EXOC4: variants seen among roughly 807,000 people sequenced by gnomAD.
EXOC4 encodes exocyst complex component 4.
In EXOC4, 71 loss-of-function variants were observed where a neutral mutation model predicts 107.2. The ratio of observed to expected loss-of-function variants is 0.66; its 90% CI spans 0.55 to 0.81. The LOEUF (loss-of-function observed/expected upper bound fraction) is 0.81, where lower values mean the gene tolerates loss of function less well. EXOC4 is among the 30% of genes least tolerant of loss of function. The probability of loss-of-function intolerance (pLI) is 0.00; values close to 1 mark genes in which losing one functional copy is unlikely to be tolerated. For missense variants in EXOC4, 1,108 were observed against 1,189.6 expected (o/e 0.93, Z 1.01); for synonymous variants, 456 against 441.2 (o/e 1.03, Z -0.42).
At chr7:133,356,606 C>T (rs1175271471) in intron 6 of EXOC4, 33 bp downstream of exon 6, 1 of 1,609,656 alleles carries the variant, frequency 6.2e-7, no homozygotes, top group Non-Finnish European at 8.5e-7. Context: ...TTTTTGACAA[C>T]TCTATTTATT....
intron 14 of EXOC4, among the ~76,000 whole-genome samples, chr7:133,993,553 G>A (rs1299386559): frequency 6.6e-6 from 1 of 152,146 alleles, no homozygotes. Context: ...AAATTTCAGA[G>A]GTTGAAAACA....
chr7:133,932,600 A>G lies in EXOC4; in HGVS notation c.2028-5291A>G, dbSNP rs556582302. On this transcript the variant is annotated intron_variant, in intron 13 of 17. Coordinates refer to ENST00000253861, the MANE Select transcript of EXOC4 (RefSeq NM_021807.4). ...CACACATTTCCTTGCCAAACCATTC[A>G]AAAGTAGGCCACAGACATAATGGCC... Among the ~76,000 whole-genome samples the G allele has an allele frequency of 2.6e-5, 4 of 152,306 alleles. No individual in the cohort carries two copies. The East Asian group carries it at 7.7e-4, about 29-fold the overall frequency.
rs902257681 is a variant in EXOC4 at position 133,724,030 on chromosome 7, A to C, written c.1515-93295A>C. Among the ~76,000 whole-genome samples the C allele has an allele frequency of 3.9e-5, 6 of 152,210 alleles. No individual in the cohort carries two copies. In the East Asian group the frequency reaches 7.7e-4, roughly 20 times the overall value. On this transcript the variant is annotated intron_variant, in intron 10 of 17. Transcript: ENST00000253861. ...TTATATATATATTAAAAAAACTTAC[A>C]TGCATTTGCTAGTCAGGCCAGTTTA...
intron 9 of EXOC4, among the ~76,000 whole-genome samples, chr7:133,520,622 A>G (rs1051038647): frequency 1.3e-5 from 2 of 152,220 alleles, no homozygotes; most frequent in African/African-American, 2.4e-5. Context: ...GTCACATTAC[A>G]AAATGCAGCT....
intron 1 of EXOC4, among the ~76,000 whole-genome samples, chr7:133,271,813 C>T (rs760288705): frequency 2.6e-5 from 4 of 152,128 alleles, no homozygotes; most frequent in Non-Finnish European, 5.9e-5. Context: ...CTTCTGCCAG[C>T]ACCTGTGAAA....
intron 10 of EXOC4, among the ~76,000 whole-genome samples, chr7:133,785,437 G>A (rs552670851): frequency 2.0e-5 from 3 of 152,036 alleles, no homozygotes; most frequent in African/African-American, 7.2e-5. Flanking sequence ...CATAACTTAG[G>A]AGTTTTATCT....
Position 133,725,591 on chromosome 7 carries a change from G to T in EXOC4, c.1515-91734G>T, listed in dbSNP as rs1384381125. Among the ~76,000 whole-genome samples the T allele has an allele frequency of 3.3e-5, 5 of 152,202 alleles. No individual in the cohort carries two copies. In the East Asian group the frequency reaches 7.7e-4, roughly 24 times the overall value. The stretch of plus-strand genomic sequence containing the variant: ...GAGTTTCATCATGTTGGCCAGACTG[G>T]TATCAAACTGCAGACCTCAGGTTAT... On this transcript the variant is annotated intron_variant, in intron 10 of 17. Transcript: ENST00000253861.
chr7:133,468,784 C>G (rs1401987598), intron 7 of EXOC4, among the ~76,000 whole-genome samples: 1 of 152,114 alleles, frequency 6.6e-6, no homozygotes, highest in South Asian at 2.1e-4. Flanking sequence ...TGATTCCCCT[C>G]TAGGGTCTTC....
intron 14 of EXOC4, among the ~76,000 whole-genome samples, chr7:133,985,203 G>T (rs945123269): frequency 6.6e-6 from 1 of 152,166 alleles, no homozygotes; most frequent in Non-Finnish European, 1.5e-5. Flanking sequence ...TTGGGGGAAG[G>T]TGTAACACAT....
intron 10 of EXOC4, among the ~76,000 whole-genome samples, chr7:133,685,592 A>G (rs995228273): frequency 6.6e-6 from 1 of 152,222 alleles, no homozygotes; most frequent in Non-Finnish European, 1.5e-5. Flanking sequence ...ACAGAATATC[A>G]AATGTCTATG....
chr7:133,270,150 C>T (rs920130036), intron 1 of EXOC4, among the ~76,000 whole-genome samples: 3 of 152,144 alleles, frequency 2.0e-5, no homozygotes, highest in Non-Finnish European at 4.4e-5. Context: ...AAGCTCTATT[C>T]TCTTGTCTGC....
At chr7:133,258,163 C>G (rs544253514) in intron 1 of EXOC4, among the ~76,000 whole-genome samples, 1 of 152,298 alleles carries the variant, frequency 6.6e-6, no homozygotes, top group South Asian at 2.1e-4. Context: ...TACCCAGAAA[C>G]AGTGCTTTCA....
At chr7:133,410,397 T>C (rs962654270) in intron 7 of EXOC4, among the ~76,000 whole-genome samples, 4 of 152,206 alleles carry the variant, frequency 2.6e-5, no homozygotes, top group African/African-American at 4.8e-5. Flanking sequence ...TGATTTTTTT[T>C]CTCCACCTGT....
chr7:133,858,600 C>T (rs1798469329), intron 11 of EXOC4, among the ~76,000 whole-genome samples: 1 of 152,116 alleles, frequency 6.6e-6, no homozygotes, highest in Non-Finnish European at 1.5e-5. Context: ...TTGCCTCCTG[C>T]TGCTATCATT....
chr7:133,674,318 A>G (rs1794010188), intron 10 of EXOC4, among the ~76,000 whole-genome samples: 1 of 152,226 alleles, frequency 6.6e-6, no homozygotes, highest in African/African-American at 2.4e-5. Flanking sequence ...CTATAAAACA[A>G]GCCAATTAAG....
At chr7:133,531,869 C>G (rs187780168) in intron 9 of EXOC4, among the ~76,000 whole-genome samples, 2 of 152,100 alleles carry the variant, frequency 1.3e-5, no homozygotes, top group East Asian at 3.9e-4. Context: ...TATCCCGTAT[C>G]CAAAATGCTT....
chr7:133,332,140 T>A (rs1472631549), intron 5 of EXOC4, among the ~76,000 whole-genome samples: 1 of 152,222 alleles, frequency 6.6e-6, no homozygotes, highest in Non-Finnish European at 1.5e-5. Context: ...CTTTATTCAT[T>A]TTATTCATGC....
At chr7:134,029,486 CTATT>C (rs1002861315) in intron 17 of EXOC4, among the ~76,000 whole-genome samples, 3 of 146,692 alleles carry the variant, frequency 2.0e-5, no homozygotes, top group African/African-American at 7.3e-5. Context: ...TTTTGGTGGT[CTATT>C]GATTGATTGA....
intron 17 of EXOC4, among the ~76,000 whole-genome samples, chr7:134,052,453 C>T (rs1363976451): frequency 6.6e-6 from 1 of 150,958 alleles, no homozygotes; most frequent in Non-Finnish European, 1.5e-5. Flanking sequence ...AACCCCTCTT[C>T]TTCTGAGTCA....
Sources: gnomAD v4.1 joint callset for allele counts (sites outside exome capture counted in the v4.1 genomes callset) on GRCh38, gnomAD v4.1.1 for gene constraint, MANE v1.5 for transcripts, NCBI Gene and HGNC (gene_info 2026-07-23, HGNC 2026-07-21) for gene names.